The following NAV2 variants were observed in gnomAD, a reference collection of about 807,000 sequenced individuals.
NAV2 encodes neuron navigator 2.
In NAV2, 54 loss-of-function variants were observed where a neutral mutation model predicts 223.2. The observed-to-expected ratio is 0.24, with a 90% CI of 0.19 to 0.30. The LOEUF is 0.30. Among genes scored for constraint, NAV2 ranks in the 10% least tolerant of loss-of-function variants. The pLI is 1.00. For synonymous variants in NAV2, 1,279 were observed against 1,239.3 expected, an observed-to-expected ratio of 1.03 and a Z score of -0.67; for missense variants, 2,806 against 3,147.5, an observed-to-expected ratio of 0.89 and a Z score of 2.60.
chr11:20,060,384 G>T (rs1041757850), intron 19 of NAV2, among the ~76,000 whole-genome samples: 1 of 152,198 alleles, frequency 6.6e-6, no homozygotes, highest in Non-Finnish European at 1.5e-5. Context: ...ACAAAGTTGG[G>T]ACATTAAAGG....
At chr11:19,461,774 T>C (rs141644835) in intron 1 of NAV2, among the ~76,000 whole-genome samples, 2 of 152,358 alleles carry the variant, frequency 1.3e-5, no homozygotes, top group East Asian at 3.9e-4. Context: ...AGAGAGTATT[T>C]TGAGAATAAA....
chr11:20,084,353 C>G (rs2060283127), intron 26 of NAV2, among the ~76,000 whole-genome samples: 2 of 152,216 alleles, frequency 1.3e-5, no homozygotes, highest in African/African-American at 4.8e-5. Context: ...CTGCTTCAGC[C>G]TCCCAAAGTG....
chr11:20,032,031 G>A (rs192073028), intron 11 of NAV2, among the ~76,000 whole-genome samples: 5 of 152,250 alleles, frequency 3.3e-5, no homozygotes, highest in Admixed American at 6.5e-5. Context: ...TTTGTACCCT[G>A]AATGGGAAAA....
At chr11:19,697,779 G>C (rs887988076) in intron 1 of NAV2, among the ~76,000 whole-genome samples, 2 of 152,228 alleles carry the variant, frequency 1.3e-5, no homozygotes, top group African/African-American at 4.8e-5. Flanking sequence ...CTTCAGAAGA[G>C]AGCAGGGAAG....
Position 19,996,900 on chromosome 11 carries a change from A to G in NAV2, c.2768+12653A>G, listed in dbSNP as rs564611484. Among the ~76,000 whole-genome samples the G allele has an allele frequency of 4.6e-5, 7 of 152,318 alleles. 1 individual carries two copies. In the South Asian group the frequency reaches 1.4e-3, roughly 32 times the overall value. On this transcript the variant is annotated intron_variant, in intron 11 of 37. Transcript: ENST00000349880. ...TGTGGAGGAGATTAAATGGGGACAG[A>G]GGGAAATGAGGTGGCTGCATGGCTC...
chr11:20,031,779 G>A (rs569914045), intron 11 of NAV2, among the ~76,000 whole-genome samples: 8 of 151,816 alleles, frequency 5.3e-5, no homozygotes, highest in South Asian at 2.1e-4. Context: ...TCTTCTCAGC[G>A]TTTCCTGTGT....
At chr11:19,643,702 GT>G (rs2047732049) in intron 1 of NAV2, among the ~76,000 whole-genome samples, 2 of 152,286 alleles carry the variant, frequency 1.3e-5, no homozygotes, top group South Asian at 4.1e-4. Flanking sequence ...GCTGGGTCAA[GT>G]GGTATTTCTA....
At chr11:19,892,701 T>A in intron 6 of NAV2, 107 bp downstream of exon 6, 3 of 1,228,324 alleles carry the variant, frequency 2.4e-6, no homozygotes, top group East Asian at 5.1e-5. Flanking sequence ...TGCATCTGTG[T>A]TGAGAATGAG....
chr11:20,033,137 A>G (rs1254269959), intron 11 of NAV2, among the ~76,000 whole-genome samples: 1 of 152,218 alleles, frequency 6.6e-6, no homozygotes, highest in Non-Finnish European at 1.5e-5. Flanking sequence ...CCAACACTGA[A>G]TGACATCGGT....
At chr11:19,456,449 A>C (rs1422780624) in intron 1 of NAV2, among the ~76,000 whole-genome samples, 1 of 152,186 alleles carries the variant, frequency 6.6e-6, no homozygotes, top group Non-Finnish European at 1.5e-5. Flanking sequence ...ATGGGCCTAG[A>C]GAAAATGTCC....
chr11:19,960,375 C>A (rs988900104), intron 10 of NAV2, among the ~76,000 whole-genome samples: 2 of 152,030 alleles, frequency 1.3e-5, no homozygotes, highest in Non-Finnish European at 2.9e-5. Context: ...CACACTCTGG[C>A]TTTATACTGT....
chr11:19,575,235 A>T (rs16937004), intron 1 of NAV2: 5,651 of 154,164 alleles, frequency 0.037, 312 homozygotes, highest in African/African-American at 0.12. Flanking sequence ...AGGGGTTCTT[A>T]GCAGCAGACT....
At chr11:19,610,714 A>G (rs2046614673) in intron 1 of NAV2, among the ~76,000 whole-genome samples, 1 of 151,998 alleles carries the variant, frequency 6.6e-6, no homozygotes, top group African/African-American at 2.4e-5. Flanking sequence ...GGATGGATGG[A>G]TGGATGGATA....
At chr11:19,755,565 G>A (rs888277351) in intron 1 of NAV2, among the ~76,000 whole-genome samples, 1 of 152,164 alleles carries the variant, frequency 6.6e-6, no homozygotes, top group Admixed American at 6.5e-5. Flanking sequence ...AGAGCCTCTG[G>A]GGAAGGACTC....
At chr11:19,953,583 T>A (rs1441656631) in intron 10 of NAV2, among the ~76,000 whole-genome samples, 2 of 152,232 alleles carry the variant, frequency 1.3e-5, no homozygotes, top group African/African-American at 4.8e-5. Context: ...CCTCTGGGAT[T>A]CCCCCAGTCA....
intron 11 of NAV2, among the ~76,000 whole-genome samples, chr11:20,012,973 G>A (rs1299547898): frequency 6.6e-6 from 1 of 152,160 alleles, no homozygotes; most frequent in South Asian, 2.1e-4. Flanking sequence ...ACTGCATAGG[G>A]AATGTCAGAA....
At chr11:19,624,693 T>C (rs1164503611) in intron 1 of NAV2, among the ~76,000 whole-genome samples, 3 of 152,226 alleles carry the variant, frequency 2.0e-5, no homozygotes, top group Non-Finnish European at 2.9e-5. Flanking sequence ...CCATGACCCC[T>C]TGTGCTTCCT....
chr11:19,774,898 T>G (rs2056028086), intron 1 of NAV2, among the ~76,000 whole-genome samples: 1 of 152,220 alleles, frequency 6.6e-6, no homozygotes, highest in Non-Finnish European at 1.5e-5. Context: ...GATTGGAAAC[T>G]AGTTGCTCAT....
At chr11:19,810,949 C>A (rs775779383) in intron 1 of NAV2, among the ~76,000 whole-genome samples, 4 of 152,210 alleles carry the variant, frequency 2.6e-5, no homozygotes, top group Admixed American at 2.6e-4. Context: ...TATCTGTCAA[C>A]TCCCTCAAGA....
Sources: allele counts gnomAD v4.1 joint callset (sites outside exome capture counted in the v4.1 genomes callset), GRCh38; gene constraint gnomAD v4.1.1; transcripts MANE v1.5; gene names NCBI Gene and HGNC (gene_info 2026-07-23, HGNC 2026-07-21).